GABRE: variants seen among roughly 807,000 people sequenced by gnomAD.
The protein encoded by GABRE is gamma-aminobutyric acid receptor subunit epsilon.
GABRE carries 20 observed loss-of-function variants against 31.0 expected under a neutral mutation model. The observed-to-expected ratio is 0.64, with a 90% CI of 0.45 to 0.94. The LOEUF (loss-of-function observed/expected upper bound fraction) is 0.94. GABRE is among the 40% of genes least tolerant of loss of function. GABRE has a pLI of 0.00. For synonymous variants in GABRE, 155 were observed against 150.6 expected (o/e 1.03, Z -0.21); for missense variants, 420 against 410.7 (o/e 1.02, Z -0.20).
intron 3 of GABRE, among the ~76,000 whole-genome samples, chrX:151,967,200 G>C (rs902750890): frequency 8.9e-5 from 10 of 112,223 alleles, no homozygotes; most frequent in South Asian, 3.7e-4. Context: ...CCACCAAATG[G>C]GTGGAGATTG....
At chrX:151,970,722 G>C (rs1027874786) in intron 1 of GABRE, among the ~76,000 whole-genome samples, 1 of 112,275 alleles carries the variant, frequency 8.9e-6, no homozygotes, top group African/African-American at 3.2e-5. Context: ...CTGAGCGCTG[G>C]CCCACTGTGA....
chrX:151,957,723 C>A, intron 6 of GABRE: 1 of 233,671 alleles, frequency 4.3e-6, no homozygotes. Context: ...GAGAGAAGCA[C>A]GGGTAAGGAA....
chrX:151,962,459 C>G lies in GABRE; in HGVS notation c.527G>C (p.Arg176Pro). 8.3e-7 allele frequency: 1 copy of G among 1,210,670 alleles called. No individual in the cohort carries two copies. Among genetic ancestry groups the G allele is most frequent in the Non-Finnish European group, 1.1e-6 (1 of 894,954 alleles). ...HEITMPNQMVRIYKDGKVLYT... is the reference protein window; with the variant it reads ...HEITMPNQMVPIYKDGKVLYT... ...CAACACCTTGCCATCCTTGTAGATG[C>G]GGACCATCTGGTTGGGCATGGTGAT... is the stretch of plus-strand genomic sequence containing the variant. Residue 176 changes from arginine to proline, a missense_variant, in exon 4 of 9, where the codon CGC (arginine) becomes CCC (proline). Arg to Pro is a moderately radical substitution (Grantham distance 103, BLOSUM62 -2). Transcript: ENST00000370328.
chrX:151,974,216 C>T, intron 1 of GABRE, among the ~76,000 whole-genome samples: 1 of 112,086 alleles, frequency 8.9e-6, no homozygotes, highest in South Asian at 3.8e-4. Context: ...GGCCGGTCAC[C>T]CCGGGGCCGC....
chrX:151,960,753 G>A lies in GABRE; in HGVS notation c.646+530C>T, dbSNP rs560184693. 8.9e-4 allele frequency among the ~76,000 whole-genome samples: 99 copies of A among 111,695 alleles called. 3 individuals are homozygous for A. In the South Asian group the frequency reaches 0.035, roughly 39 times the overall value. ...CAGGTGGAAGTCAAAGCTGTACAGG[G>A]TGCAGAGAAATAGACAGCATCGATA... is the stretch of plus-strand genomic sequence containing the variant. On this transcript the variant is annotated intron_variant, in intron 5 of 8. Transcript: ENST00000370328.
chrX:151,959,715 T>G (rs1299034255), intron 6 of GABRE, 124 bp downstream of exon 6: 4 of 768,719 alleles, frequency 5.2e-6, no homozygotes, highest in Non-Finnish European at 7.9e-6. Context: ...TGCTTAGCAA[T>G]TATAAGACAG....
At chrX:151,974,393 G>A (rs2515870) in intron 1 of GABRE, among the ~76,000 whole-genome samples, 177 bp downstream of exon 1, 1 of 111,422 alleles carries the variant, frequency 9.0e-6, no homozygotes, top group South Asian at 3.8e-4. Flanking sequence ...AGTGAGGCGG[G>A]CCGAGGCCGG....
chrX:151,962,119 G>C (rs1934399290), intron 4 of GABRE, among the ~76,000 whole-genome samples: 1 of 112,003 alleles, frequency 8.9e-6, no homozygotes, highest in Admixed American at 9.4e-5. Context: ...ACGTAGGATG[G>C]AATTGTCTAG....
chrX:151,968,622 C>T (rs765524077), intron 3 of GABRE, among the ~76,000 whole-genome samples: 2 of 111,858 alleles, frequency 1.8e-5, no homozygotes, highest in East Asian at 5.7e-4. Flanking sequence ...ATTTTGTTTG[C>T]CCCGGGCCAA....
intron 3 of GABRE, among the ~76,000 whole-genome samples, chrX:151,967,387 G>A (rs1934557339): frequency 9.0e-6 from 1 of 111,726 alleles, no homozygotes; most frequent in Non-Finnish European, 1.9e-5. Context: ...ACTACATTTG[G>A]CTTTTGGCAT....
chrX:151,974,461 G>GCGCGGGGCTCGAGGAA, intron 1 of GABRE, 109 bp downstream of exon 1: 1 of 518,279 alleles, frequency 1.9e-6, no homozygotes, highest in Non-Finnish European at 3.0e-6. Context: ...GGCAAAGCGG[G>GCGCGGGGCTCGAGGAA]CGCGGGGCTC....
chrX:151,968,544 A>G (rs1934591077), intron 3 of GABRE, among the ~76,000 whole-genome samples: 3 of 111,588 alleles, frequency 2.7e-5, no homozygotes, highest in Non-Finnish European at 5.6e-5. Flanking sequence ...TGCAAGGCCC[A>G]TCTCAGAGCC....
rs745631017 is a variant in GABRE at position 151,959,832 on chromosome X, C to T, written c.784+7G>A. ...CCTGGACTTCCGCCAAGCCCTGGCA[C>T]GCTTACCAACTGGGGTTGTGATTAT... On this transcript the variant is annotated splice_region_variant and intron_variant, in intron 6 of 8. Transcript: ENST00000370328. 1.4e-4 allele frequency: 171 copies of T among 1,207,543 alleles called. No individual in the cohort carries two copies. Among genetic ancestry groups the T allele is most frequent in the South Asian group, 8.9e-5 (5 of 56,233 alleles).
chrX:151,970,418 G>A lies in GABRE; in HGVS notation c.57-16C>T, dbSNP rs1225600655. On this transcript the variant is annotated splice_polypyrimidine_tract_variant and intron_variant, in intron 1 of 8. Transcript: ENST00000370328. ...TCCCTCGACCCTAGAACATTCAAAC[G>A]AAAAATGAAGCTCTGCCCTGCACTC... The A allele has an allele frequency of 1.4e-5, 17 of 1,202,798 alleles. No homozygotes were observed. The highest frequency in any genetic ancestry group is 2.2e-5 in the Admixed American group (1 of 45,159).
chrX:151,965,300 C>T (rs1042290925), intron 3 of GABRE, among the ~76,000 whole-genome samples: 3 of 111,512 alleles, frequency 2.7e-5, no homozygotes, highest in Non-Finnish European at 5.6e-5. Flanking sequence ...TGTGTGTGTT[C>T]GTGTGCATAG....
chrX:151,960,717 T>A (rs185104908), intron 5 of GABRE, among the ~76,000 whole-genome samples: 127 of 111,628 alleles, frequency 1.1e-3, no homozygotes, highest in African/African-American at 3.8e-3. Context: ...CCAGGCAGAA[T>A]TAAATTAATG....
At chrX:151,961,622 G>C (rs756983326) in intron 4 of GABRE, among the ~76,000 whole-genome samples, 47 of 110,828 alleles carry the variant, frequency 4.2e-4, no homozygotes, top group Admixed American at 1.9e-3. Context: ...AGCACACCCT[G>C]CTAATTTTTG....
At position 151,974,651 on chromosome X, in the gene GABRE, T is replaced by A; in HGVS notation, c.-26A>T. The A allele has an allele frequency of 9.0e-7, 1 of 1,116,707 alleles. No homozygotes were observed. The highest frequency in any genetic ancestry group is 1.2e-6 in the Non-Finnish European group (1 of 827,352). 92.0% of individuals were successfully genotyped at this position (1,116,707 alleles called of 1,213,427 possible). A position where few individuals can be genotyped will look rare whatever the true frequency, so the allele number is the denominator to read the frequency against. On this transcript the variant is annotated 5_prime_UTR_variant, in exon 1 of 9. Transcript: ENST00000370328. ...TTCCGCGGAGACCGGCGCGACCACC[T>A]GCGCGGAGGTCGCGGCTCACGCTCT...
chrX:151,959,065 A>T (rs1204431113), intron 6 of GABRE: 4 of 328,869 alleles, frequency 1.2e-5, no homozygotes, highest in Non-Finnish European at 2.4e-5. Flanking sequence ...ACTGCCCTGA[A>T]CTTGGTCAGG....
Sources: allele counts gnomAD v4.1 joint callset (sites outside exome capture counted in the v4.1 genomes callset), GRCh38; gene constraint gnomAD v4.1.1; transcripts MANE v1.5; gene names NCBI Gene and HGNC (gene_info 2026-07-23, HGNC 2026-07-21).